Variants in KLF13 observed in about 807,000 individuals in gnomAD.
KLF13 encodes the protein Krueppel-like factor 13.
A neutral mutation model predicts 16.7 loss-of-function variants in KLF13; 8 were observed. The observed-to-expected ratio is 0.48, with a 90% CI of 0.28 to 0.87. The LOEUF (loss-of-function observed/expected upper bound fraction) is 0.87. Among genes scored for constraint, KLF13 ranks in the 40% least tolerant of loss-of-function variants. KLF13 has a pLI of 0.10. For missense variants in KLF13, 447 were observed against 452.2 expected (o/e 0.99, Z 0.10); for synonymous variants, 245 against 208.4 (o/e 1.18, Z -1.51).
At chr15:31,357,021 T>C (rs1566815115) in intron 1 of KLF13, among the ~76,000 whole-genome samples, 1 of 152,242 alleles carries the variant, frequency 6.6e-6, no homozygotes, top group African/African-American at 2.4e-5. Flanking sequence ...TACATTTTCA[T>C]ATTTTTTCCC....
chr15:31,434,153 G>A (rs1243800301), intron 1 of KLF13, among the ~76,000 whole-genome samples: 9 of 152,146 alleles, frequency 5.9e-5, no homozygotes, highest in African/African-American at 1.4e-4. Context: ...GTTGCTTCGC[G>A]TCCGTTACTT....
intron 1 of KLF13, among the ~76,000 whole-genome samples, chr15:31,415,631 G>A (rs113377193): frequency 0.018 from 2,740 of 152,184 alleles, 63 homozygotes; most frequent in African/African-American, 0.054. Flanking sequence ...AAAGGAATGC[G>A]AGTAAAGCAG....
chr15:31,415,067 C>T (rs1273923688), intron 1 of KLF13, among the ~76,000 whole-genome samples: 3 of 152,110 alleles, frequency 2.0e-5, no homozygotes, highest in African/African-American at 7.2e-5. Flanking sequence ...TAATCTGGCA[C>T]TTCCCTTCCT....
At chr15:31,338,401 C>T (rs1490422146) in intron 1 of KLF13, among the ~76,000 whole-genome samples, 1 of 152,160 alleles carries the variant, frequency 6.6e-6, no homozygotes. Context: ...AGCCATGCAG[C>T]CAAGTCTCAG....
chr15:31,428,820 A>AAAAAAAAAAAAAAAAAAAAAAAAAG (rs61521558), intron 1 of KLF13, among the ~76,000 whole-genome samples: 7 of 72,650 alleles, frequency 9.6e-5, no homozygotes, highest in African/African-American at 2.5e-4. Context: ...AAAAAAAAAA[A>AAAAAAAAAAAAAAAAAAAAAAAAAG]AAAAAGAAAA....
chr15:31,337,650 A>C (rs573320534), intron 1 of KLF13, among the ~76,000 whole-genome samples: 1 of 152,240 alleles, frequency 6.6e-6, no homozygotes, highest in South Asian at 2.1e-4. Context: ...AAGCCGGTAC[A>C]GTATAGTACT....
intron 1 of KLF13, among the ~76,000 whole-genome samples, chr15:31,345,848 C>G (rs562821188): frequency 6.6e-6 from 1 of 152,158 alleles, no homozygotes; most frequent in Non-Finnish European, 1.5e-5. Flanking sequence ...CGTCAGTTTA[C>G]CGGGGGCAAA....
intron 1 of KLF13, among the ~76,000 whole-genome samples, chr15:31,350,296 C>T (rs897372787): frequency 3.9e-5 from 6 of 152,222 alleles, no homozygotes; most frequent in East Asian, 1.9e-4. Flanking sequence ...GGCCCCCCAG[C>T]GTGCAGGGCA....
chr15:31,329,429 C>T (rs956603378), intron 1 of KLF13, among the ~76,000 whole-genome samples: 7 of 151,994 alleles, frequency 4.6e-5, no homozygotes, highest in African/African-American at 1.7e-4. Flanking sequence ...TTTTCTACGG[C>T]CTCTGTCAGG....
intron 1 of KLF13, among the ~76,000 whole-genome samples, chr15:31,328,555 C>T (rs1253747236): frequency 1.3e-5 from 2 of 151,884 alleles, no homozygotes; most frequent in African/African-American, 4.8e-5. Flanking sequence ...TGCCCATCCT[C>T]CGTGCTGCCC....
At chr15:31,340,232 G>T (rs973515938) in intron 1 of KLF13, among the ~76,000 whole-genome samples, 1 of 152,242 alleles carries the variant, frequency 6.6e-6, no homozygotes, top group Admixed American at 6.5e-5. Flanking sequence ...CCAACCTCAG[G>T]CGTGAACCTG....
chr15:31,416,989 T>G (rs2040262948), intron 1 of KLF13, among the ~76,000 whole-genome samples: 1 of 152,206 alleles, frequency 6.6e-6, no homozygotes, highest in Non-Finnish European at 1.5e-5. Context: ...CATGAATTAA[T>G]GGCAATGTTA....
At chr15:31,382,868 C>T (rs1032169767), downstream of KLF13, among the ~76,000 whole-genome samples, 7 of 152,318 alleles carry the variant, frequency 4.6e-5, 1 homozygote, top group South Asian at 8.3e-4. Context: ...AAAGTCGTGA[C>T]GGGCGTTGCC....
intron 1 of KLF13, among the ~76,000 whole-genome samples, chr15:31,363,881 C>G (rs1437965547): frequency 2.0e-5 from 3 of 152,200 alleles, no homozygotes; most frequent in Non-Finnish European, 4.4e-5. Flanking sequence ...TTATTTTTCA[C>G]ATTAGAATCT....
intron 1 of KLF13, among the ~76,000 whole-genome samples, chr15:31,350,280 C>T (rs184015579): frequency 2.0e-4 from 31 of 152,318 alleles, no homozygotes; most frequent in Admixed American, 1.2e-3. Flanking sequence ...GGGGATGAGC[C>T]GAGCAGGCCC....
At chr15:31,355,640 C>T (rs1257570710) in intron 1 of KLF13, among the ~76,000 whole-genome samples, 5 of 152,142 alleles carry the variant, frequency 3.3e-5, no homozygotes, top group Admixed American at 2.6e-4. Flanking sequence ...CACATGAGCG[C>T]CTGCAGGCAC....
intron 1 of KLF13, among the ~76,000 whole-genome samples, chr15:31,418,766 C>A (rs900960856): frequency 5.9e-5 from 9 of 152,036 alleles, no homozygotes; most frequent in African/African-American, 2.2e-4. Flanking sequence ...TGTATCAGTC[C>A]ATTTTTGTGT....
intron 1 of KLF13, among the ~76,000 whole-genome samples, chr15:31,338,938 G>A (rs1438158288): frequency 1.3e-5 from 2 of 152,052 alleles, no homozygotes; most frequent in African/African-American, 4.8e-5. Context: ...CAGACCCCAG[G>A]GGGGCCTGAG....
chr15:31,402,163 T>C (rs1363788340), intron 2 of KLF13, among the ~76,000 whole-genome samples: 1 of 152,180 alleles, frequency 6.6e-6, no homozygotes, highest in Non-Finnish European at 1.5e-5. Context: ...AGAAGGGCTG[T>C]GGGGGCCGGG....
Sources: allele counts gnomAD v4.1 joint callset (sites outside exome capture counted in the v4.1 genomes callset), GRCh38; gene constraint gnomAD v4.1.1; transcripts MANE v1.5; gene names NCBI Gene and HGNC (gene_info 2026-07-23, HGNC 2026-07-21).